Variants in SSBP2 observed in about 807,000 individuals in gnomAD.
The protein encoded by SSBP2 is single stranded DNA binding protein 2, also known as single-stranded DNA-binding protein 2.
Under a neutral mutation model 61.8 loss-of-function variants are expected in SSBP2, and 17 were observed. The ratio of observed to expected loss-of-function variants is 0.28; its 90% CI spans 0.19 to 0.41. The LOEUF is 0.41. SSBP2 is among the 10% of genes least tolerant of loss of function. The pLI is 1.00. For synonymous variants in SSBP2, 139 were observed against 141.3 expected (o/e 0.98, Z 0.12); for missense variants, 310 against 458.7 (o/e 0.68, Z 2.96).
chr5:81,601,465 G>C (rs1381979338), intron 4 of SSBP2, among the ~76,000 whole-genome samples: 3 of 152,130 alleles, frequency 2.0e-5, no homozygotes. Flanking sequence ...GGGAAAATGT[G>C]AATAAGATCA....
At chr5:81,455,401 T>C (rs925976551) in intron 10 of SSBP2, among the ~76,000 whole-genome samples, 1 of 106,966 alleles carries the variant, frequency 9.3e-6, no homozygotes, top group Non-Finnish European at 1.7e-5. Flanking sequence ...GGGTGGATCA[T>C]GAGGTCAGGA....
rs142840494 is a variant in SSBP2, at chr5:81,706,089, A to C, written c.62+44892T>G. ...TTCACAGTAGCAAAGACATGGAATC[A>C]ATCTAGGTGCCCATTAACAGTGGAC... On this transcript the variant is annotated intron_variant, in intron 1 of 16. Transcript: ENST00000320672. 2.3e-3 allele frequency among the ~76,000 whole-genome samples: 356 copies of C among 152,310 alleles called. 3 individuals carry two copies. Among genetic ancestry groups the C allele is most frequent in the Middle Eastern group, 0.014 (4 of 294 alleles).
intron 4 of SSBP2, among the ~76,000 whole-genome samples, chr5:81,521,914 C>T (rs1769519034): frequency 6.6e-6 from 1 of 151,830 alleles, no homozygotes; most frequent in African/African-American, 2.4e-5. Context: ...AGAATCTTGC[C>T]AGAAGGATTT....
intron 1 of SSBP2, among the ~76,000 whole-genome samples, chr5:81,651,436 T>C (rs1266803703): frequency 2.0e-5 from 3 of 152,192 alleles, no homozygotes; most frequent in Non-Finnish European, 4.4e-5. Context: ...TCCATTTAAT[T>C]CTTTCCCCAT....
intron 5 of SSBP2, among the ~76,000 whole-genome samples, chr5:81,494,408 G>C (rs147308008): frequency 6.6e-6 from 1 of 152,160 alleles, no homozygotes; most frequent in Non-Finnish European, 1.5e-5. Flanking sequence ...GTTTATGTCT[G>C]CATAAAATTC....
intron 2 of SSBP2, among the ~76,000 whole-genome samples, chr5:81,647,237 C>A (rs1240634390): frequency 1.3e-5 from 2 of 152,086 alleles, no homozygotes; most frequent in South Asian, 4.1e-4. Context: ...AATGTCCCCA[C>A]TCCCAAAACA....
At chr5:81,710,667 C>A (rs1168869064) in intron 1 of SSBP2, 1 of 451,872 alleles carries the variant, frequency 2.2e-6, no homozygotes, top group Non-Finnish European at 4.4e-6. Context: ...TCCATAGAAA[C>A]AAAACATTAC....
At chr5:81,631,239 T>C (rs1479179119) in intron 3 of SSBP2, among the ~76,000 whole-genome samples, 5 of 152,164 alleles carry the variant, frequency 3.3e-5, no homozygotes, top group Non-Finnish European at 7.3e-5. Flanking sequence ...GCCCTACATA[T>C]GTGAGACAAA....
chr5:81,551,840 T>C (rs746705561), intron 4 of SSBP2, among the ~76,000 whole-genome samples: 1 of 152,184 alleles, frequency 6.6e-6, no homozygotes, highest in East Asian at 1.9e-4. Context: ...TTAAAAAATA[T>C]CTACAAGACT....
At position 81,467,307 on chromosome 5, in the gene SSBP2, C is replaced by G. The variant is rs1580758325; in HGVS notation, c.571-266G>C. Reference sequence around the variant, plus strand: ...TTAAGGTATGGCTGCAATTATATTTCAATATATTTTATTAATATCCTAAGA... The same window carrying G: ...TTAAGGTATGGCTGCAATTATATTTGAATATATTTTATTAATATCCTAAGA... On this transcript the variant is annotated intron_variant, in intron 8 of 16. Transcript: ENST00000320672. Among the ~76,000 whole-genome samples, 2 of 152,022 alleles carry G rather than the reference C, an allele frequency of 1.3e-5. 1 individual carries two copies. Among genetic ancestry groups the G allele is most frequent in the South Asian group, 4.2e-4 (2 of 4,812 alleles).
intron 1 of SSBP2, among the ~76,000 whole-genome samples, chr5:81,700,846 T>G (rs1753933086): frequency 6.6e-6 from 1 of 152,244 alleles, no homozygotes; most frequent in Non-Finnish European, 1.5e-5. Flanking sequence ...ACTGAAGAGT[T>G]AGGATCTCCC....
At chr5:81,543,759 T>A (rs1771492604) in intron 4 of SSBP2, among the ~76,000 whole-genome samples, 1 of 152,180 alleles carries the variant, frequency 6.6e-6, no homozygotes, top group South Asian at 2.1e-4. Context: ...ATTCAATAAT[T>A]ATTTGCTAAA....
At chr5:81,709,462 G>C (rs1399410971) in intron 1 of SSBP2, among the ~76,000 whole-genome samples, 2 of 151,556 alleles carry the variant, frequency 1.3e-5, no homozygotes, top group African/African-American at 4.8e-5. Flanking sequence ...CCTATATGCA[G>C]TTCCTAATAA....
chr5:81,421,579 C>T (rs1761616533), intron 16 of SSBP2, among the ~76,000 whole-genome samples: 1 of 151,984 alleles, frequency 6.6e-6, no homozygotes, highest in Non-Finnish European at 1.5e-5. Context: ...ATGAGGCTGA[C>T]AAATGATAAA....
At chr5:81,583,622 A>T (rs1009323279) in intron 4 of SSBP2, among the ~76,000 whole-genome samples, 9 of 136,646 alleles carry the variant, frequency 6.6e-5, no homozygotes, top group South Asian at 4.7e-4. Flanking sequence ...AGAGCGAGAC[A>T]CCGTCTCAAA....
chr5:81,477,825 A>C (rs1300144741), intron 6 of SSBP2, among the ~76,000 whole-genome samples: 1 of 152,212 alleles, frequency 6.6e-6, no homozygotes, highest in Non-Finnish European at 1.5e-5. Context: ...TGAGGGAATA[A>C]AAGGAATAGG....
At chr5:81,600,999 T>A (rs1270655290) in intron 4 of SSBP2, among the ~76,000 whole-genome samples, 4 of 152,220 alleles carry the variant, frequency 2.6e-5, no homozygotes, top group Non-Finnish European at 5.9e-5. Context: ...GGCGTTGCAC[T>A]ATTACCCAAT....
At chr5:81,582,411 T>A (rs980054931) in intron 4 of SSBP2, among the ~76,000 whole-genome samples, 1 of 152,172 alleles carries the variant, frequency 6.6e-6, no homozygotes, top group African/African-American at 2.4e-5. Flanking sequence ...TGAAAACAGT[T>A]CATATTGAAC....
At chr5:81,469,207 G>A (rs563609027) in intron 8 of SSBP2, among the ~76,000 whole-genome samples, 1 of 151,822 alleles carries the variant, frequency 6.6e-6, no homozygotes, top group African/African-American at 2.4e-5. Flanking sequence ...GTGATCTTGG[G>A]CAAATGATTC....
Sources: gnomAD v4.1 joint callset for allele counts (sites outside exome capture counted in the v4.1 genomes callset) on GRCh38, gnomAD v4.1.1 for gene constraint, MANE v1.5 for transcripts, NCBI Gene and HGNC (gene_info 2026-07-23, HGNC 2026-07-21) for gene names.